The following AP2A2 variants were observed in gnomAD, a reference collection of about 807,000 sequenced individuals.
AP2A2 encodes the protein adaptor related protein complex 2 subunit alpha 2.
In AP2A2, 32 loss-of-function variants were observed where a neutral mutation model predicts 104.2. The observed-to-expected ratio is 0.31, with a 90% CI of 0.23 to 0.41. The LOEUF (loss-of-function observed/expected upper bound fraction) is 0.41. Among genes scored for constraint, AP2A2 ranks in the 10% least tolerant of loss-of-function variants. AP2A2 has a pLI of 1.00. For synonymous variants in AP2A2, 539 were observed against 533.3 expected, an observed-to-expected ratio of 1.01 and a Z score of -0.15; for missense variants, 912 against 1,261.0, an observed-to-expected ratio of 0.72 and a Z score of 4.19.
chr11:985,996 G>A (rs1855442335), intron 8 of AP2A2, among the ~76,000 whole-genome samples: 1 of 152,270 alleles, frequency 6.6e-6, no homozygotes, highest in Admixed American at 6.5e-5. Context: ...CATCCACGAA[G>A]CGCAGAGGCG....
At chr11:960,048 A>G (rs751770993) in intron 2 of AP2A2, among the ~76,000 whole-genome samples, 17 of 152,102 alleles carry the variant, frequency 1.1e-4, no homozygotes, top group Non-Finnish European at 2.2e-4. Context: ...CAGATTTGCA[A>G]CCTGGCTCAC....
chr11:931,566 C>T (rs934970953), intron 1 of AP2A2, among the ~76,000 whole-genome samples: 3 of 152,184 alleles, frequency 2.0e-5, no homozygotes, highest in African/African-American at 7.2e-5. Context: ...ATTTTTATTT[C>T]TCTACATGTG....
chr11:951,862 C>T (rs180889980), intron 1 of AP2A2, among the ~76,000 whole-genome samples: 2 of 152,076 alleles, frequency 1.3e-5, no homozygotes, highest in East Asian at 1.9e-4. Flanking sequence ...TTGGGTTACT[C>T]GGCGGAATCA....
chr11:949,268 T>C (rs1188143236), intron 1 of AP2A2, among the ~76,000 whole-genome samples: 1 of 151,538 alleles, frequency 6.6e-6, no homozygotes. Context: ...AGAGAGAGAC[T>C]CTGTCTCAAG....
In AP2A2 at chr11:968,618, C is replaced by T. The variant is rs946623827; in HGVS notation, c.137-1551C>T. Among the ~76,000 whole-genome samples, 2 of 152,096 alleles carry T rather than the reference C, an allele frequency of 1.3e-5. No individual in the cohort carries two copies. Among genetic ancestry groups the T allele is most frequent in the African/African-American group, 4.8e-5 (2 of 41,432 alleles). ...TGTGGTTGTCCAAGGCGGCTTCCAG[C>T]GGGTGATGGAATCTGGGCTGGGTAG... is the stretch of plus-strand genomic sequence containing the variant. On this transcript the variant is annotated intron_variant, in intron 2 of 21. Transcript: ENST00000448903. The surrounding 1 kb of genome is among the most constrained non-coding windows in gnomAD (Gnocchi z 4.2).
rs1372641483 is a variant in AP2A2, at chr11:987,415, C to T, written c.1131+462C>T. Among the ~76,000 whole-genome samples the T allele has an allele frequency of 5.3e-5, 8 of 151,826 alleles. 1 individual carries two copies. The highest frequency in any genetic ancestry group is 2.1e-4 in the South Asian group (1 of 4,818). On this transcript the variant is annotated intron_variant, in intron 9 of 21. Transcript: ENST00000448903. Reference sequence around the variant, plus strand: ...CTGTAATCCCAGCACTTTGGGAGGCCGAGGCGGGTGGATCACAAGGTCAGG... The same window carrying T: ...CTGTAATCCCAGCACTTTGGGAGGCTGAGGCGGGTGGATCACAAGGTCAGG...
chr11:955,208 C>T (rs1161122078), intron 1 of AP2A2, among the ~76,000 whole-genome samples: 3 of 152,358 alleles, frequency 2.0e-5, no homozygotes, highest in African/African-American at 7.2e-5. Context: ...GGCATGCACA[C>T]ATAGGCACAC....
rs1281694367 is a variant in AP2A2 at position 992,263 on chromosome 11, G to A, written c.1270-240G>A. On this transcript the variant is annotated intron_variant, in intron 10 of 21. Coordinates refer to ENST00000448903, the MANE Select transcript of AP2A2 (RefSeq NM_012305.4). The surrounding 1 kb of genome is among the most constrained non-coding windows in gnomAD (Gnocchi z 6.4). The stretch of plus-strand genomic sequence containing the variant: ...GGTGGGAGGTGGCCTGGCTGTGGCC[G>A]TGGCCTTCTGTGCACTGGTCTCCGC... 6.6e-6 allele frequency among the ~76,000 whole-genome samples: 1 copy of A among 152,180 alleles called. No individual in the cohort carries two copies. The highest frequency in any genetic ancestry group is 2.4e-5 in the African/African-American group (1 of 41,436).
chr11:980,079 G>A (rs1855190221), intron 5 of AP2A2, among the ~76,000 whole-genome samples: 1 of 122,914 alleles, frequency 8.1e-6, no homozygotes, highest in South Asian at 3.2e-4. Context: ...GCCCGGTGCC[G>A]TGTCCTGGAG....
intron 6 of AP2A2, among the ~76,000 whole-genome samples, chr11:982,958 T>G (rs1457646210): frequency 6.6e-6 from 1 of 151,568 alleles, no homozygotes; most frequent in African/African-American, 2.4e-5. Flanking sequence ...GCTGTGAAAC[T>G]TTCTAATTAT....
At chr11:975,662 AGCCGACC>A in intron 4 of AP2A2, among the ~76,000 whole-genome samples, 1 of 150,976 alleles carries the variant, frequency 6.6e-6, no homozygotes, top group African/African-American at 2.5e-5. Context: ...CCCTCGTGTG[AGCCGACC>A]TCGGAGAGTA....
At chr11:926,670 C>G (rs1356694321) in intron 1 of AP2A2, among the ~76,000 whole-genome samples, 1 of 152,156 alleles carries the variant, frequency 6.6e-6, no homozygotes, top group Non-Finnish European at 1.5e-5. Context: ...GTTCTGGAGG[C>G]TTATTAACCC....
At chr11:947,310 C>T (rs1047839091) in intron 1 of AP2A2, among the ~76,000 whole-genome samples, 2 of 152,030 alleles carry the variant, frequency 1.3e-5, no homozygotes, top group Admixed American at 1.3e-4. Flanking sequence ...TACGCTTGGC[C>T]CCTATCTGCC....
At chr11:983,460 A>G (rs7479312) in intron 6 of AP2A2, among the ~76,000 whole-genome samples, 88,894 of 151,328 alleles carry the variant, frequency 0.59, 26,875 homozygotes, top group Middle Eastern at 0.73. Flanking sequence ...TTGGCTCACT[A>G]CAAGCTCCGC....
intron 4 of AP2A2, among the ~76,000 whole-genome samples, chr11:973,928 A>C (rs1313115310): frequency 1.3e-5 from 2 of 152,184 alleles, no homozygotes; most frequent in African/African-American, 4.8e-5. Context: ...TGCTTGGTGG[A>C]TGTCTGCGCG....
chr11:968,190 G>A lies in AP2A2; in HGVS notation c.137-1979G>A, dbSNP rs952359137. ...CTTTCTCCTCGCGCTGGCGACTTCC[G>A]CTGCCCCTCACGGTGCTTATGCAAC... On this transcript the variant is annotated intron_variant, in intron 2 of 21. Transcript: ENST00000448903. The surrounding 1 kb of genome is among the most constrained non-coding windows in gnomAD (Gnocchi z 4.2). Among the ~76,000 whole-genome samples the A allele has an allele frequency of 2.0e-5, 3 of 152,206 alleles. No individual in the cohort carries two copies. Among genetic ancestry groups the A allele is most frequent in the Non-Finnish European group, 4.4e-5 (3 of 68,042 alleles).
In AP2A2 at chr11:992,315, C is replaced by T; in HGVS notation, c.1270-188C>T. 1.5e-6 allele frequency: 1 copy of T among 656,310 alleles called. No individual in the cohort carries two copies. Among genetic ancestry groups the T allele is most frequent in the Non-Finnish European group, 2.7e-6 (1 of 375,734 alleles). The allele number at this position is 656,310 out of a possible 1,614,324, so 40.7% of individuals were successfully genotyped here. ...TCTTCCTGGCTTTCTTTGCTTAAGT[C>T]AGGGCATCTTAAACTTTCTGGGCTC... is the stretch of plus-strand genomic sequence containing the variant. On this transcript the variant is annotated intron_variant, in intron 10 of 21. Transcript: ENST00000448903. This position sits in a 1 kb window ranked among gnomAD's most constrained non-coding sequence, Gnocchi z 6.4.
Position 990,657 on chromosome 11 carries a change from G to A in AP2A2, c.1270-1846G>A, listed in dbSNP as rs113985469. ...CTCCCCCCAGCCCGTCCTTTCAGCCGGACATGATGCTCCCCTCACCCCATC... is the reference window on the plus strand; with the variant it reads ...CTCCCCCCAGCCCGTCCTTTCAGCCAGACATGATGCTCCCCTCACCCCATC... On this transcript the variant is annotated intron_variant, in intron 10 of 21. Coordinates refer to ENST00000448903, the MANE Select transcript of AP2A2 (RefSeq NM_012305.4). Among the ~76,000 whole-genome samples the A allele has an allele frequency of 5.7e-3, 871 of 151,950 alleles. 11 individuals are homozygous for A. Among genetic ancestry groups the A allele is most frequent in the African/African-American group, 0.02 (821 of 41,340 alleles).
At chr11:960,830 G>A (rs936777151) in intron 2 of AP2A2, among the ~76,000 whole-genome samples, 2 of 149,348 alleles carry the variant, frequency 1.3e-5, no homozygotes, top group African/African-American at 5.0e-5. Context: ...GCTGGTTTTT[G>A]TATTTTTAGT....
Sources: allele counts gnomAD v4.1 joint callset (sites outside exome capture counted in the v4.1 genomes callset), GRCh38; gene constraint gnomAD v4.1.1; non-coding constraint Gnocchi (gnomAD v3.1); transcripts MANE v1.5; gene names NCBI Gene and HGNC (gene_info 2026-07-23, HGNC 2026-07-21).